CD99L2: variants seen among roughly 807,000 people sequenced by gnomAD.
CD99L2 encodes CD99 antigen-like protein 2.
CD99L2 carries 24 observed loss-of-function variants against 27.3 expected under a neutral mutation model. The observed-to-expected ratio is 0.88, with a 90% confidence interval of 0.64 to 1.24. CD99L2 has a LOEUF of 1.24. Among genes scored for constraint, CD99L2 ranks in the 50% most tolerant of loss-of-function variants. The pLI is 0.00. For synonymous variants in CD99L2, 97 were observed against 87.9 expected, an observed-to-expected ratio of 1.10 and a Z score of -0.58; for missense variants, 255 against 221.6, an observed-to-expected ratio of 1.15 and a Z score of -0.96.
At chrX:150,806,891 C>CAA (rs1225489136) in intron 4 of CD99L2, among the ~76,000 whole-genome samples, 1 of 100,615 alleles carries the variant, frequency 9.9e-6, no homozygotes. Context: ...AACTGCACCT[C>CAA]AAAAAAAAAA....
intron 1 of CD99L2, among the ~76,000 whole-genome samples, chrX:150,892,247 T>A (rs2047525206): frequency 1.9e-5 from 2 of 106,940 alleles, no homozygotes; most frequent in Non-Finnish European, 3.9e-5. Context: ...TAAAAATAAA[T>A]AAATAAATAA....
chrX:150,864,948 C>T (rs1439898976), intron 1 of CD99L2, among the ~76,000 whole-genome samples: 1 of 109,905 alleles, frequency 9.1e-6, no homozygotes, highest in African/African-American at 3.3e-5. Context: ...CACCTGTGGT[C>T]CCAGCTACTG....
At chrX:150,799,240 G>T (rs2045863899) in intron 4 of CD99L2, among the ~76,000 whole-genome samples, 1 of 110,160 alleles carries the variant, frequency 9.1e-6, no homozygotes, top group African/African-American at 3.3e-5. Context: ...GCTCATGCTT[G>T]TAATCCCAGA....
chrX:150,857,063 C>T (rs1394147554), intron 1 of CD99L2, among the ~76,000 whole-genome samples: 1 of 109,847 alleles, frequency 9.1e-6, no homozygotes, highest in Non-Finnish European at 1.9e-5. Flanking sequence ...CCCAGTTGGA[C>T]AAAAATAAAG....
chrX:150,802,509 T>C (rs1218885342), intron 4 of CD99L2, among the ~76,000 whole-genome samples: 6 of 106,212 alleles, frequency 5.6e-5, no homozygotes, highest in East Asian at 3.0e-4. Context: ...GAGGCTGCAG[T>C]GAGCCAAGAT....
At chrX:150,893,179 CA>C (rs782781303) in intron 1 of CD99L2, among the ~76,000 whole-genome samples, 10 of 112,033 alleles carry the variant, frequency 8.9e-5, no homozygotes, top group Admixed American at 3.8e-4. Context: ...CCTATGACAG[CA>C]AGGAAAAGGC....
chrX:150,828,317 G>A (rs1363700519), intron 2 of CD99L2: 1 of 111,434 alleles, frequency 9.0e-6, no homozygotes, highest in Non-Finnish European at 1.9e-5. Flanking sequence ...TTGTTCCAAG[G>A]ACTGTGCTGA....
intron 7 of CD99L2, among the ~76,000 whole-genome samples, chrX:150,789,108 T>C (rs1557419641): frequency 1.0e-5 from 1 of 95,281 alleles, no homozygotes. Flanking sequence ...TGTTGACTTT[T>C]ATGAATTCTT....
intron 4 of CD99L2, among the ~76,000 whole-genome samples, chrX:150,803,309 C>T (rs1426952798): frequency 1.8e-5 from 2 of 111,882 alleles, no homozygotes; most frequent in African/African-American, 6.5e-5. Flanking sequence ...AGAGACATAC[C>T]GTATTCATGG....
Position 150,776,264 on chromosome X carries a change from C to T in CD99L2, c.565G>A (p.Gly189Arg), listed in dbSNP as rs1557419256. ...GCCATGGCCAGGGCGCTGGCCACCC[C>T]GGCAATGGTGCCAGGCTCTGCCACC... The part of the protein sequence containing the change: ...GMVAEPGTIA[G>R]VASALAMALI... The change falls in exon 9 of 11, where the codon GGG (glycine) becomes AGG (arginine). Residue 189 changes from glycine to arginine, a missense_variant. Coordinates refer to ENST00000370377, the MANE Select transcript of CD99L2 (RefSeq NM_031462.4). The T allele has an allele frequency of 1.7e-5, 21 of 1,209,982 alleles. No homozygotes were observed. Among genetic ancestry groups the T allele is most frequent in the Admixed American group, 2.2e-5 (1 of 45,910 alleles).
intron 2 of CD99L2, chrX:150,819,158 T>C: frequency 8.3e-6 from 3 of 362,276 alleles, no homozygotes; most frequent in South Asian, 5.1e-5. Flanking sequence ...AAAGAGGCCA[T>C]GAATGCCACA....
At chrX:150,878,630 C>T (rs16996759) in intron 1 of CD99L2, among the ~76,000 whole-genome samples, 2,755 of 110,475 alleles carry the variant, frequency 0.025, 97 homozygotes, top group African/African-American at 0.087. Context: ...AATCGGAATC[C>T]CAACGGACTT....
chrX:150,897,784 G>T (rs782684091), intron 1 of CD99L2, among the ~76,000 whole-genome samples: 32 of 111,279 alleles, frequency 2.9e-4, no homozygotes, highest in Non-Finnish European at 5.3e-4. Context: ...ATGTGCCAGA[G>T]AATCACCCGC....
intron 9 of CD99L2, chrX:150,771,742 G>A (rs782220235): frequency 2.7e-6 from 3 of 1,118,117 alleles, no homozygotes; most frequent in East Asian, 6.6e-5. Flanking sequence ...CCAGAGCAGG[G>A]GGCGAATGAG....
chrX:150,820,107 T>A (rs1272462320), intron 2 of CD99L2, among the ~76,000 whole-genome samples: 1 of 110,881 alleles, frequency 9.0e-6, no homozygotes, highest in Non-Finnish European at 1.9e-5. Context: ...CTCTTATGAA[T>A]GTAGAGGCAA....
At chrX:150,799,135 T>A (rs180855658) in intron 4 of CD99L2, among the ~76,000 whole-genome samples, 2 of 111,691 alleles carry the variant, frequency 1.8e-5, no homozygotes, top group Non-Finnish European at 3.8e-5. Context: ...TATTTACAAA[T>A]CTTACATCCA....
intron 1 of CD99L2, among the ~76,000 whole-genome samples, chrX:150,896,534 A>G (rs1399578968): frequency 8.9e-6 from 1 of 112,498 alleles, no homozygotes; most frequent in Non-Finnish European, 1.9e-5. Flanking sequence ...GCCAGTGATA[A>G]TATCTAGCCT....
At chrX:150,858,393 C>T (rs1449547694) in intron 1 of CD99L2, among the ~76,000 whole-genome samples, 2 of 112,775 alleles carry the variant, frequency 1.8e-5, no homozygotes, top group East Asian at 2.8e-4. Context: ...AAGACTTTAT[C>T]TAACAACAGC....
chrX:150,778,247 G>T (rs1410367927), intron 7 of CD99L2, among the ~76,000 whole-genome samples: 1 of 110,672 alleles, frequency 9.0e-6, no homozygotes, highest in African/African-American at 3.3e-5. Flanking sequence ...TGCCATTTCA[G>T]TACCTTAATT....
Sources: allele counts gnomAD v4.1 joint callset (sites outside exome capture counted in the v4.1 genomes callset), GRCh38; gene constraint gnomAD v4.1.1; transcripts MANE v1.5; gene names NCBI Gene and HGNC (gene_info 2026-07-23, HGNC 2026-07-21).